Variants in SIK3 observed in about 807,000 individuals in gnomAD.
SIK3 encodes the protein SIK family kinase 3, also known as serine/threonine-protein kinase SIK3.
A neutral mutation model predicts 144.2 loss-of-function variants in SIK3; 28 were observed. The ratio of observed to expected loss-of-function variants is 0.19; its 90% CI spans 0.14 to 0.27. SIK3 has a LOEUF of 0.27. Among genes scored for constraint, SIK3 ranks in the 10% least tolerant of loss-of-function variants. SIK3 has a pLI of 1.00. For missense variants in SIK3, 1,319 were observed against 1,776.0 expected (o/e 0.74, Z 4.62); for synonymous variants, 686 against 676.3 (o/e 1.01, Z -0.22).
In SIK3 at chr11:116,849,040, G is replaced by T; in HGVS notation, c.3819+80C>A. 6.9e-7 allele frequency: 1 copy of T among 1,443,030 alleles called. No individual in the cohort carries two copies. Among genetic ancestry groups the T allele is most frequent in the Non-Finnish European group, 9.3e-7 (1 of 1,079,802 alleles). 89.4% of individuals were successfully genotyped at this position (1,443,030 alleles called of 1,614,324 possible). ...TGACTGAGGAGAGCGGCCAAGAGAG[G>T]CTACCCCACATCACTATACTCTGTT... On this transcript the variant is annotated intron_variant, in intron 22 of 24. Transcript: ENST00000445177. This position sits in a 1 kb window ranked among gnomAD's most constrained non-coding sequence, Gnocchi z 4.2.
chr11:116,979,211 T>C (rs1218392410), intron 1 of SIK3, among the ~76,000 whole-genome samples: 2 of 152,218 alleles, frequency 1.3e-5, no homozygotes, highest in South Asian at 4.1e-4. Context: ...GAGCAGGAGA[T>C]AGACAGTTCC....
chr11:116,859,745 G>C, intron 19 of SIK3, 141 bp from the exon 20 acceptor site: 3 of 703,390 alleles, frequency 4.3e-6, no homozygotes, highest in Non-Finnish European at 7.1e-6. Flanking sequence ...GACAAGTCTG[G>C]AGAACTTGTT....
At chr11:116,956,028 T>C (rs536595251) in intron 2 of SIK3, among the ~76,000 whole-genome samples, 2 of 152,314 alleles carry the variant, frequency 1.3e-5, no homozygotes, top group Admixed American at 1.3e-4. Context: ...TACTGCAGAC[T>C]AACAGCAGCA....
intron 3 of SIK3, among the ~76,000 whole-genome samples, chr11:116,953,192 C>T (rs1422315118): frequency 6.6e-6 from 1 of 152,026 alleles, no homozygotes; most frequent in Admixed American, 6.6e-5. Context: ...CTTTTAAATA[C>T]ATTTTATCGT....
chr11:117,001,371 CGGTGTG>C (rs1183050740), intron 1 of SIK3, among the ~76,000 whole-genome samples: 1 of 152,048 alleles, frequency 6.6e-6, no homozygotes, highest in East Asian at 1.9e-4. Flanking sequence ...CCAGGCATGG[CGGTGTG>C]CACCTATATT....
intron 21 of SIK3, among the ~76,000 whole-genome samples, chr11:116,856,392 G>T (rs1273650217): frequency 2.0e-5 from 3 of 152,140 alleles, no homozygotes; most frequent in Non-Finnish European, 4.4e-5. Context: ...CTTCCACAGG[G>T]TGTTGAAATT....
chr11:116,847,428 G>GC, intron 23 of SIK3, 48 bp downstream of exon 23: 1 of 1,609,562 alleles, frequency 6.2e-7, no homozygotes, highest in Non-Finnish European at 8.5e-7. Context: ...ATGGAGGGAG[G>GC]CCCCTCCAGG....
chr11:116,899,633 T>C (rs1016747240), intron 4 of SIK3, among the ~76,000 whole-genome samples: 1 of 152,190 alleles, frequency 6.6e-6, no homozygotes, highest in Non-Finnish European at 1.5e-5. Flanking sequence ...CCTTCTTCTC[T>C]CCCTCTCCTA....
intron 6 of SIK3, among the ~76,000 whole-genome samples, chr11:116,879,021 T>C (rs1414586446): frequency 6.6e-6 from 1 of 152,210 alleles, no homozygotes; most frequent in Admixed American, 6.5e-5. Context: ...TCCACTGCAA[T>C]GCAAGGCCCA....
chr11:116,984,571 T>C (rs1057458910), intron 1 of SIK3, among the ~76,000 whole-genome samples: 2 of 152,192 alleles, frequency 1.3e-5, no homozygotes, highest in African/African-American at 2.4e-5. Context: ...AGTATGCATT[T>C]GGTGCTGGCA....
chr11:116,850,006 T>C (rs1252827342), intron 21 of SIK3, among the ~76,000 whole-genome samples: 1 of 152,186 alleles, frequency 6.6e-6, no homozygotes, highest in Non-Finnish European at 1.5e-5. Flanking sequence ...CCCCATAACC[T>C]GCTACTCCTT....
At chr11:116,854,371 C>T (rs963750268) in intron 21 of SIK3, among the ~76,000 whole-genome samples, 4 of 152,172 alleles carry the variant, frequency 2.6e-5, no homozygotes, top group Non-Finnish European at 5.9e-5. Context: ...CAAAAAGTAA[C>T]TAAATAACAC....
intron 3 of SIK3, among the ~76,000 whole-genome samples, chr11:116,935,105 C>T (rs550044615): frequency 6.8e-6 from 1 of 147,564 alleles, no homozygotes; most frequent in African/African-American, 2.5e-5. Context: ...CAAACAAAAT[C>T]AGCCAGGCAT....
At chr11:116,969,825 C>A (rs891752909) in intron 1 of SIK3, among the ~76,000 whole-genome samples, 2 of 152,186 alleles carry the variant, frequency 1.3e-5, no homozygotes, top group Non-Finnish European at 2.9e-5. Flanking sequence ...CTCTGCAGAA[C>A]AGTTTGGAAA....
chr11:116,934,660 G>A lies in SIK3; in HGVS notation c.455-7280C>T, dbSNP rs572024390. On this transcript the variant is annotated intron_variant, in intron 3 of 24. Transcript: ENST00000445177. Reference sequence around the variant, plus strand: ...CTTATTACACATAAAATAGTACTCTGCCTATGATGGATACTTAATAATTAT... The same window carrying A: ...CTTATTACACATAAAATAGTACTCTACCTATGATGGATACTTAATAATTAT... 4.6e-5 allele frequency among the ~76,000 whole-genome samples: 7 copies of A among 152,290 alleles called. No homozygotes were observed. In the East Asian group the frequency reaches 1.2e-3, roughly 25 times the overall value.
chr11:116,947,159 T>TATTTATATATAATATATA (rs1948648761), intron 3 of SIK3, among the ~76,000 whole-genome samples: 1 of 46,272 alleles, frequency 2.2e-5, no homozygotes, highest in African/African-American at 8.5e-5. Flanking sequence ...TATAATATAT[T>TATTTATATATAATATATA]ATATATAAAT....
At chr11:116,891,492 T>C (rs1945107943) in intron 6 of SIK3, among the ~76,000 whole-genome samples, 1 of 152,216 alleles carries the variant, frequency 6.6e-6, no homozygotes, top group Non-Finnish European at 1.5e-5. Context: ...TATCTATATA[T>C]GCGTGTTCTG....
intron 4 of SIK3, among the ~76,000 whole-genome samples, chr11:116,922,905 C>CTT (rs1565455993): frequency 1.7e-5 from 2 of 118,692 alleles, no homozygotes; most frequent in African/African-American, 7.0e-5. Context: ...CTTTTCTTTT[C>CTT]TCTTTTTTTT....
At chr11:116,850,946 T>A (rs1407535364) in intron 21 of SIK3, among the ~76,000 whole-genome samples, 3 of 152,150 alleles carry the variant, frequency 2.0e-5, no homozygotes, top group Non-Finnish European at 4.4e-5. Flanking sequence ...AAGGCAGAGA[T>A]TGCAGTGAGC....
Sources: allele counts gnomAD v4.1 joint callset (sites outside exome capture counted in the v4.1 genomes callset), GRCh38; gene constraint gnomAD v4.1.1; non-coding constraint Gnocchi (gnomAD v3.1); transcripts MANE v1.5; gene names NCBI Gene and HGNC (gene_info 2026-07-23, HGNC 2026-07-21).